RNF150: variants seen among roughly 807,000 people sequenced by gnomAD.
The protein encoded by RNF150 is ring finger protein 150.
Under a neutral mutation model 39.3 loss-of-function variants are expected in RNF150, and 24 were observed. The observed-to-expected ratio is 0.61, with a 90% confidence interval of 0.44 to 0.86. RNF150 has a LOEUF of 0.86. RNF150 is among the 40% of genes least tolerant of loss of function. The pLI, the probability that RNF150 is intolerant of heterozygous loss-of-function variation, is 0.00. For synonymous variants in RNF150, 255 were observed against 227.3 expected, an observed-to-expected ratio of 1.12 and a Z score of -1.10; for missense variants, 502 against 587.8, an observed-to-expected ratio of 0.85 and a Z score of 1.51.
At chr4:141,199,639 A>G (rs1480476245) in intron 1 of RNF150, among the ~76,000 whole-genome samples, 1 of 152,218 alleles carries the variant, frequency 6.6e-6, no homozygotes, top group Non-Finnish European at 1.5e-5. Context: ...GCATTCTAGG[A>G]AAAGCAAAAT....
intron 4 of RNF150, among the ~76,000 whole-genome samples, chr4:140,937,313 T>G (rs1185150806): frequency 6.6e-6 from 1 of 152,154 alleles, no homozygotes; most frequent in African/African-American, 2.4e-5. Context: ...CAGGCTGGAG[T>G]GCAATGGTGC....
chr4:140,948,607 A>G, intron 3 of RNF150, among the ~76,000 whole-genome samples: 1 of 151,946 alleles, frequency 6.6e-6, no homozygotes, highest in African/African-American at 2.4e-5. Context: ...TTTTGATTTT[A>G]AAAAAAAATT....
At chr4:140,959,254 AC>A (rs1166012017) in intron 2 of RNF150, among the ~76,000 whole-genome samples, 1 of 151,678 alleles carries the variant, frequency 6.6e-6, no homozygotes, top group Non-Finnish European at 1.5e-5. Flanking sequence ...AGCTCCTAAA[AC>A]CCCAACCTTG....
intron 1 of RNF150, among the ~76,000 whole-genome samples, chr4:141,100,000 A>G (rs1738950100): frequency 6.6e-6 from 1 of 152,186 alleles, no homozygotes; most frequent in African/African-American, 2.4e-5. Context: ...GCAGTGTGAA[A>G]GAGACATCGC....
chr4:141,163,893 T>A (rs896081530), intron 1 of RNF150, among the ~76,000 whole-genome samples: 3 of 151,948 alleles, frequency 2.0e-5, no homozygotes, highest in Non-Finnish European at 4.4e-5. Context: ...CCAGAATGCT[T>A]CTCCTCCAAA....
chr4:141,180,901 G>T (rs1215086877), intron 1 of RNF150, among the ~76,000 whole-genome samples: 2 of 151,956 alleles, frequency 1.3e-5, no homozygotes, highest in Admixed American at 1.3e-4. Flanking sequence ...CAGTATTTTT[G>T]TTTATTTATA....
chr4:141,029,978 C>G (rs1735870937), intron 1 of RNF150, among the ~76,000 whole-genome samples: 1 of 152,044 alleles, frequency 6.6e-6, no homozygotes, highest in South Asian at 2.1e-4. Context: ...AGGTGGATCA[C>G]AAGGTCAGGA....
intron 1 of RNF150, among the ~76,000 whole-genome samples, chr4:141,016,768 G>A (rs529978835): frequency 5.9e-5 from 9 of 152,136 alleles, no homozygotes; most frequent in Middle Eastern, 3.4e-3. Context: ...GTCCCTGGCC[G>A]CCTTGGCTCT....
intron 1 of RNF150, among the ~76,000 whole-genome samples, chr4:141,049,114 C>G (rs1409960953): frequency 6.6e-6 from 1 of 151,854 alleles, no homozygotes; most frequent in South Asian, 2.1e-4. Flanking sequence ...TAATAGAAAG[C>G]AAATAGGGCA....
chr4:140,883,158 T>C (rs1729437227), intron 6 of RNF150, among the ~76,000 whole-genome samples: 1 of 152,192 alleles, frequency 6.6e-6, no homozygotes, highest in South Asian at 2.1e-4. Context: ...ATATAAAAAC[T>C]CTACTCTTAT....
chr4:141,196,653 G>A (rs1412403678), intron 1 of RNF150, among the ~76,000 whole-genome samples: 1 of 151,990 alleles, frequency 6.6e-6, no homozygotes, highest in Non-Finnish European at 1.5e-5. Context: ...ATCAGTTCTA[G>A]TAACTATTTT....
chr4:141,063,037 CAT>C (rs1737300092), intron 1 of RNF150, among the ~76,000 whole-genome samples: 1 of 152,190 alleles, frequency 6.6e-6, no homozygotes, highest in Non-Finnish European at 1.5e-5. Flanking sequence ...CTTTGAACAA[CAT>C]GACATCTAGC....
chr4:140,993,593 C>G (rs572535636), intron 1 of RNF150, among the ~76,000 whole-genome samples: 2 of 152,156 alleles, frequency 1.3e-5, no homozygotes, highest in African/African-American at 4.8e-5. Flanking sequence ...AGTGAAGGCC[C>G]CCGGCATGGC....
intron 4 of RNF150, among the ~76,000 whole-genome samples, chr4:140,945,823 AT>A (rs59919040): frequency 0.015 from 2,318 of 151,836 alleles, 65 homozygotes; most frequent in African/African-American, 0.052. Flanking sequence ...TTGGCTCTGA[AT>A]TTTTTTTATT....
intron 1 of RNF150, among the ~76,000 whole-genome samples, chr4:141,158,702 A>C (rs1360265401): frequency 6.6e-6 from 1 of 152,194 alleles, no homozygotes; most frequent in Non-Finnish European, 1.5e-5. Context: ...TGGAAGTGTT[A>C]ATAGATAAGG....
chr4:141,088,706 C>CACA (rs1553945779), intron 1 of RNF150, among the ~76,000 whole-genome samples: 1 of 151,038 alleles, frequency 6.6e-6, no homozygotes, highest in African/African-American at 2.5e-5. Flanking sequence ...CACACACACA[C>CACA]ACTTGAAAAG....
chr4:140,874,392 C>T (rs1178577601), intron 6 of RNF150, among the ~76,000 whole-genome samples: 1 of 152,162 alleles, frequency 6.6e-6, no homozygotes, highest in African/African-American at 2.4e-5. Context: ...TATCAATGTT[C>T]CCATGTCAGG....
chr4:141,195,461 C>T (rs1180753208), intron 1 of RNF150, among the ~76,000 whole-genome samples: 1 of 152,196 alleles, frequency 6.6e-6, no homozygotes, highest in Admixed American at 6.5e-5. Context: ...CTTCCTCTCC[C>T]TCTTCCTCCT....
At position 140,949,282 on chromosome 4, in the gene RNF150, G is replaced by T; in HGVS notation, c.807+19C>A. The T allele has an allele frequency of 6.3e-7, 1 of 1,594,648 alleles. No homozygotes were observed. Among genetic ancestry groups the T allele is most frequent in the Non-Finnish European group, 8.6e-7 (1 of 1,168,794 alleles). The stretch of plus-strand genomic sequence containing the variant: ...TCTTTGAATAGCTCCTCACCAAAAA[G>T]AAAAGAGGCTGCTATTACCTTGTCA... On this transcript the variant is annotated intron_variant, in intron 3 of 6. Coordinates refer to ENST00000515673, the MANE Select transcript of RNF150 (RefSeq NM_020724.2).
Sources: gnomAD v4.1 joint callset for allele counts (sites outside exome capture counted in the v4.1 genomes callset) on GRCh38, gnomAD v4.1.1 for gene constraint, MANE v1.5 for transcripts, NCBI Gene and HGNC (gene_info 2026-07-23, HGNC 2026-07-21) for gene names.